LOC128092252: variants seen among roughly 807,000 people sequenced by gnomAD.
the LOC128092252 span, among the ~76,000 whole-genome samples, chr15:50,676,000 C>G: frequency 6.6e-6 from 1 of 152,166 alleles, no homozygotes; most frequent in Non-Finnish European, 1.5e-5. Flanking sequence ...ACAGTACTTA[C>G]TCACAATGTT....
chr15:50,664,257 C>A, the LOC128092252 span, among the ~76,000 whole-genome samples: 1 of 148,402 alleles, frequency 6.7e-6, no homozygotes, highest in African/African-American at 2.5e-5. Context: ...TTGCAGTGAG[C>A]CGAGATCGCG....
At chr15:50,679,333 C>CA in the LOC128092252 span, among the ~76,000 whole-genome samples, 20,159 of 137,048 alleles carry the variant, frequency 0.15, 1,962 homozygotes, top group Admixed American at 0.28. Flanking sequence ...AAACACTATC[C>CA]AAAAAAAACA....
chr15:50,657,747 C>T, the LOC128092252 span: 38 of 1,592,564 alleles, frequency 2.4e-5, no homozygotes, highest in Middle Eastern at 1.7e-4. Flanking sequence ...ATTTATTTTC[C>T]GAAATTTGTG....
At chr15:50,680,871 G>A in the LOC128092252 span, among the ~76,000 whole-genome samples, 15 of 152,278 alleles carry the variant, frequency 9.9e-5, no homozygotes, top group African/African-American at 2.6e-4. Context: ...CCTTGTGACC[G>A]TTGGCAAGTG....
the LOC128092252 span, among the ~76,000 whole-genome samples, chr15:50,670,384 T>C: frequency 2.0e-5 from 3 of 152,130 alleles, no homozygotes; most frequent in South Asian, 6.2e-4. Flanking sequence ...CAACATAAGA[T>C]ATAGGCCATA....
the LOC128092252 span, among the ~76,000 whole-genome samples, chr15:50,679,149 G>A: frequency 3.6e-5 from 5 of 140,234 alleles, no homozygotes; most frequent in African/African-American, 1.4e-4. Flanking sequence ...TGGGATTACA[G>A]GCATTAACCA....
chr15:50,667,130 C>T, the LOC128092252 span, among the ~76,000 whole-genome samples: 2 of 152,074 alleles, frequency 1.3e-5, no homozygotes, highest in African/African-American at 4.8e-5. Flanking sequence ...GATTGGCCGA[C>T]TCTGGGGGTG....
the LOC128092252 span, among the ~76,000 whole-genome samples, chr15:50,677,433 A>C: frequency 2.0e-5 from 3 of 151,956 alleles, no homozygotes; most frequent in African/African-American, 7.2e-5. Flanking sequence ...ACACACACAG[A>C]GCACAGGATT....
the LOC128092252 span, chr15:50,662,991 A>G: frequency 3.1e-6 from 5 of 1,613,580 alleles, no homozygotes; most frequent in Non-Finnish European, 4.2e-6. Context: ...GGAACTTGGT[A>G]TAATATATAC....
At chr15:50,677,899 CTAA>C in the LOC128092252 span, among the ~76,000 whole-genome samples, 1 of 151,882 alleles carries the variant, frequency 6.6e-6, no homozygotes, top group Non-Finnish European at 1.5e-5. Context: ...AAATTGCCTA[CTAA>C]TAAAGTTCAT....
the LOC128092252 span, among the ~76,000 whole-genome samples, chr15:50,654,167 T>C: frequency 6.6e-6 from 1 of 152,148 alleles, no homozygotes; most frequent in Non-Finnish European, 1.5e-5. Flanking sequence ...AAAAAATTAT[T>C]GGCCGGGTGC....
the LOC128092252 span, among the ~76,000 whole-genome samples, chr15:50,675,951 A>C: frequency 0.014 from 2,059 of 152,314 alleles, 21 homozygotes; most frequent in South Asian, 0.045. Flanking sequence ...CAAGTTTCAG[A>C]GCCTCTTTTT....
the LOC128092252 span, among the ~76,000 whole-genome samples, chr15:50,683,386 C>A: frequency 2.0e-5 from 3 of 151,844 alleles, no homozygotes; most frequent in Non-Finnish European, 4.4e-5. Context: ...AACTTCACAA[C>A]TGAGAGATCA....
chr15:50,677,575 C>T, the LOC128092252 span, among the ~76,000 whole-genome samples: 3 of 151,416 alleles, frequency 2.0e-5, no homozygotes, highest in Non-Finnish European at 4.4e-5. Flanking sequence ...CCCATCCCTA[C>T]TAAAAACACA....
the LOC128092252 span, chr15:50,657,741 A>G: frequency 6.3e-7 from 1 of 1,583,594 alleles, no homozygotes; most frequent in Non-Finnish European, 8.6e-7. Flanking sequence ...AGTTTTATTT[A>G]TTTTCCGAAA....
the LOC128092252 span, among the ~76,000 whole-genome samples, chr15:50,671,082 ACT>A: frequency 3.3e-5 from 5 of 152,110 alleles, no homozygotes; most frequent in East Asian, 1.9e-4. Flanking sequence ...CTTAAAATAT[ACT>A]CTTAGTATTT....
chr15:50,673,621 G>A, the LOC128092252 span, among the ~76,000 whole-genome samples: 5 of 151,392 alleles, frequency 3.3e-5, no homozygotes. Context: ...TTATGGCTGA[G>A]AAGTATTCCC....
the LOC128092252 span, among the ~76,000 whole-genome samples, chr15:50,680,723 A>C: frequency 6.6e-6 from 1 of 151,862 alleles, no homozygotes. Flanking sequence ...TAACTTTTTT[A>C]AAAAAAACCT....
the LOC128092252 span, among the ~76,000 whole-genome samples, chr15:50,666,287 A>G: frequency 6.6e-6 from 1 of 151,282 alleles, no homozygotes; most frequent in South Asian, 2.1e-4. Flanking sequence ...AAATACAAAA[A>G]ATTAGCCAAG....
Sources: allele counts gnomAD v4.1 joint callset (sites outside exome capture counted in the v4.1 genomes callset), GRCh38; gene constraint gnomAD v4.1.1; transcripts MANE v1.5.